The following EPB41L4A variants were observed in gnomAD, a reference collection of about 807,000 sequenced individuals.
EPB41L4A encodes erythrocyte membrane protein band 4.1 like 4A.
Under a neutral mutation model 108.6 loss-of-function variants are expected in EPB41L4A, and 100 were observed. The ratio of observed to expected loss-of-function variants is 0.92; its 90% confidence interval spans 0.78 to 1.09. The LOEUF (loss-of-function observed/expected upper bound fraction) is 1.09. EPB41L4A is among the 50% of genes least tolerant of loss of function. The probability of loss-of-function intolerance (pLI) is 0.00; values close to 1 mark genes in which losing one functional copy is unlikely to be tolerated. For missense variants in EPB41L4A, 1,030 were observed against 842.7 expected (o/e 1.22, Z -2.75); for synonymous variants, 319 against 289.0 (o/e 1.10, Z -1.05).
chr5:112,146,897 T>C (rs1759280686), intron 12 of EPB41L4A, among the ~76,000 whole-genome samples: 1 of 152,174 alleles, frequency 6.6e-6, no homozygotes. Flanking sequence ...GTCTTTTCTA[T>C]TAATTAGACG....
chr5:112,236,348 C>T (rs918716230), intron 11 of EPB41L4A, among the ~76,000 whole-genome samples: 2 of 152,170 alleles, frequency 1.3e-5, no homozygotes, highest in African/African-American at 4.8e-5. Context: ...GGAGAAGGAA[C>T]AGCACATGTA....
chr5:112,184,045 G>A lies in EPB41L4A; in HGVS notation c.1593C>T (p.Asn531=). 6.2e-7 allele frequency: 1 copy of A among 1,614,044 alleles called. No homozygotes were observed. Among genetic ancestry groups the A allele is most frequent in the Non-Finnish European group, 8.5e-7 (1 of 1,179,954 alleles). ...GAGATCTGTGTCTGGATCGCCTGTT[G>A]TTGGGGTCGGCTTGGTTTTTTTCCT... The part of the protein sequence containing the change: ...RQKEKNQADP[N]NRRSRHRSRS... Residue 531 remains asparagine (N), a synonymous_variant, in exon 18 of 23, where the codon AAC becomes AAT. Transcript: ENST00000261486.
intron 15 of EPB41L4A, among the ~76,000 whole-genome samples, chr5:112,202,277 C>G (rs1211098601): frequency 1.3e-5 from 2 of 152,158 alleles, no homozygotes; most frequent in Admixed American, 1.3e-4. Flanking sequence ...AGCACAGGCT[C>G]AGGATTGCCT....
intron 1 of EPB41L4A, among the ~76,000 whole-genome samples, chr5:112,361,337 C>T (rs1266283404): frequency 6.6e-6 from 1 of 152,110 alleles, no homozygotes; most frequent in African/African-American, 2.4e-5. Flanking sequence ...CGTTAAGAGT[C>T]ATCACCACTC....
chr5:112,391,873 T>C (rs1407764645), intron 1 of EPB41L4A, among the ~76,000 whole-genome samples: 1 of 152,078 alleles, frequency 6.6e-6, no homozygotes, highest in African/African-American at 2.4e-5. Flanking sequence ...TAACAGCAGA[T>C]CTCTCGGCAG....
intron 1 of EPB41L4A, among the ~76,000 whole-genome samples, chr5:112,339,542 A>ATATATTTT (rs371198329): frequency 2.7e-5 from 3 of 110,684 alleles, no homozygotes; most frequent in African/African-American, 8.8e-5. Context: ...ATATATATAT[A>ATATATTTT]TTTTTTTTTT....
At chr5:112,394,352 G>A (rs561070989) in intron 1 of EPB41L4A, among the ~76,000 whole-genome samples, 20 of 152,084 alleles carry the variant, frequency 1.3e-4, no homozygotes, top group Non-Finnish European at 2.9e-4. Flanking sequence ...CATAATCTCG[G>A]CCCAAAATCT....
rs564867269 is a variant in EPB41L4A at position 112,363,859 on chromosome 5, A to G, written c.99+55082T>C. 3.3e-4 allele frequency among the ~76,000 whole-genome samples: 50 copies of G among 152,364 alleles called. No homozygotes were observed. In the South Asian group the frequency reaches 9.9e-3, roughly 30 times the overall value. On this transcript the variant is annotated intron_variant, in intron 1 of 22. Coordinates refer to ENST00000261486, the MANE Select transcript of EPB41L4A (RefSeq NM_022140.5). ...TTTTCCCTACTTCAAATACTCACTT[A>G]AACACTGAAACCATTCATGCCATAT...
At chr5:112,194,065 AT>A (rs1364201023) in intron 17 of EPB41L4A, among the ~76,000 whole-genome samples, 24 of 152,252 alleles carry the variant, frequency 1.6e-4, no homozygotes, top group African/African-American at 5.5e-4. Context: ...GTGATTAAAA[AT>A]ATCTTAAAAA....
At chr5:112,328,328 G>C (rs189069617) in intron 1 of EPB41L4A, among the ~76,000 whole-genome samples, 1 of 152,074 alleles carries the variant, frequency 6.6e-6, no homozygotes, top group African/African-American at 2.4e-5. Flanking sequence ...AAAAAATCTT[G>C]GGGGAGAAAG....
At chr5:112,147,675 A>G (rs1759312485) in intron 12 of EPB41L4A, among the ~76,000 whole-genome samples, 1 of 151,878 alleles carries the variant, frequency 6.6e-6, no homozygotes, top group Non-Finnish European at 1.5e-5. Flanking sequence ...TCCATAATGA[A>G]AATTCCATAA....
At chr5:112,314,300 T>C (rs1233717787) in intron 1 of EPB41L4A, among the ~76,000 whole-genome samples, 2 of 151,898 alleles carry the variant, frequency 1.3e-5, no homozygotes, top group Admixed American at 6.6e-5. Flanking sequence ...CTAAGTCAGA[T>C]GGCTAGTTTC....
At chr5:112,215,993 C>T (rs1005207256) in intron 12 of EPB41L4A, among the ~76,000 whole-genome samples, 5 of 152,138 alleles carry the variant, frequency 3.3e-5, no homozygotes, top group Non-Finnish European at 7.4e-5. Context: ...GTGTGCAAAG[C>T]TCCAGGGTTT....
chr5:112,346,990 C>T (rs1442764961), intron 1 of EPB41L4A, among the ~76,000 whole-genome samples: 1 of 152,086 alleles, frequency 6.6e-6, no homozygotes, highest in Non-Finnish European at 1.5e-5. Context: ...AGTTAGAGTC[C>T]AAACAGCCAG....
chr5:112,187,236 A>C (rs553388749), intron 17 of EPB41L4A, among the ~76,000 whole-genome samples: 20 of 152,288 alleles, frequency 1.3e-4, no homozygotes, highest in African/African-American at 4.8e-4. Context: ...ACCTCAATAA[A>C]CTAACAAACA....
intron 1 of EPB41L4A, among the ~76,000 whole-genome samples, chr5:112,348,928 G>A (rs1318559040): frequency 6.6e-6 from 1 of 152,198 alleles, no homozygotes; most frequent in East Asian, 1.9e-4. Flanking sequence ...CTAAGACAGG[G>A]TTCAAATCAT....
At chr5:112,236,271 C>T (rs1346724534) in intron 11 of EPB41L4A, among the ~76,000 whole-genome samples, 3 of 152,116 alleles carry the variant, frequency 2.0e-5, no homozygotes, top group African/African-American at 7.2e-5. Flanking sequence ...ATAGGCTATA[C>T]AGGACCCAGC....
At chr5:112,184,275 G>C in intron 17 of EPB41L4A, 140 bp from the exon 18 acceptor site, 5 of 889,594 alleles carry the variant, frequency 5.6e-6, no homozygotes, top group African/African-American at 1.7e-5. Context: ...CATATTAACT[G>C]AATTAATATA....
At chr5:112,171,687 G>A (rs1302841407) in intron 18 of EPB41L4A, among the ~76,000 whole-genome samples, 1 of 152,206 alleles carries the variant, frequency 6.6e-6, no homozygotes, top group Non-Finnish European at 1.5e-5. Flanking sequence ...GCATTCAAGT[G>A]TTTGTACTCT....
Sources: gnomAD v4.1 joint callset for allele counts (sites outside exome capture counted in the v4.1 genomes callset) on GRCh38, gnomAD v4.1.1 for gene constraint, MANE v1.5 for transcripts, NCBI Gene and HGNC (gene_info 2026-07-23, HGNC 2026-07-21) for gene names.